The following B3GALT1 variants were observed in gnomAD, a reference collection of about 807,000 sequenced individuals.
The protein encoded by B3GALT1 is UDP-Gal:betaGlcNAc beta 1,3-galactosyltransferase, polypeptide 1.
In B3GALT1, 10 loss-of-function variants were observed where a neutral mutation model predicts 23.2. The observed-to-expected ratio is 0.43, with a 90% CI of 0.27 to 0.73. The LOEUF is 0.73. Among genes scored for constraint, B3GALT1 ranks in the 30% least tolerant of loss-of-function variants. The probability of loss-of-function intolerance (pLI) is 0.21; values close to 1 mark genes in which losing one functional copy is unlikely to be tolerated. For missense variants in B3GALT1, 299 were observed against 405.4 expected (o/e 0.74, Z 2.25); for synonymous variants, 156 against 141.5 (o/e 1.10, Z -0.73).
At chr2:167,572,883 A>G (rs1684320571) in intron 2 of B3GALT1, among the ~76,000 whole-genome samples, 1 of 151,758 alleles carries the variant, frequency 6.6e-6, no homozygotes, top group African/African-American at 2.4e-5. Context: ...TAGCGGGAAA[A>G]AAATATTGCT....
chr2:167,530,573 G>T (rs886681942), intron 2 of B3GALT1, among the ~76,000 whole-genome samples: 6 of 152,098 alleles, frequency 3.9e-5, no homozygotes, highest in African/African-American at 7.2e-5. Flanking sequence ...TTTGATGTTT[G>T]ATGTTAAAGT....
In B3GALT1 at chr2:167,440,140, A is replaced by G. The variant is rs548337071; in HGVS notation, c.-510-50037A>G. The stretch of plus-strand genomic sequence containing the variant: ...GGGCGGATCACGAGGTCAGGAGATC[A>G]AGACCATCCTGGCTAACATGGTGAA... On this transcript the variant is annotated intron_variant, in intron 1 of 4. Transcript: ENST00000392690. Among the ~76,000 whole-genome samples the G allele has an allele frequency of 1.9e-4, 29 of 151,944 alleles. No homozygotes were observed. The East Asian group carries it at 2.1e-3, about 11-fold the overall frequency.
intron 1 of B3GALT1, among the ~76,000 whole-genome samples, chr2:167,427,524 C>T (rs1698641959): frequency 1.3e-5 from 2 of 152,064 alleles, no homozygotes; most frequent in African/African-American, 2.4e-5. Context: ...ACTTTGGATA[C>T]TTTCATGTAG....
intron 2 of B3GALT1, among the ~76,000 whole-genome samples, chr2:167,619,428 C>T (rs1352709290): frequency 6.6e-6 from 1 of 151,994 alleles, no homozygotes; most frequent in East Asian, 1.9e-4. Context: ...TGCATGGGGA[C>T]AGGGACTAGG....
intron 3 of B3GALT1, among the ~76,000 whole-genome samples, chr2:167,679,787 T>C (rs1348752757): frequency 6.6e-6 from 1 of 152,260 alleles, no homozygotes; most frequent in Non-Finnish European, 1.5e-5. Flanking sequence ...TCAAAACACT[T>C]AACTCAATGC....
chr2:167,817,185 A>G (rs1054840657), intron 3 of B3GALT1, among the ~76,000 whole-genome samples: 1 of 152,216 alleles, frequency 6.6e-6, no homozygotes, highest in African/African-American at 2.4e-5. Context: ...CACTAATCCC[A>G]GGATGACATT....
chr2:167,731,869 C>T (rs918595828), intron 3 of B3GALT1, among the ~76,000 whole-genome samples: 3 of 152,292 alleles, frequency 2.0e-5, no homozygotes, highest in African/African-American at 7.2e-5. Flanking sequence ...CCAGACCCCT[C>T]TTTCCCCAAC....
At chr2:167,866,602 G>C (rs1438715849) in intron 4 of B3GALT1, among the ~76,000 whole-genome samples, 1 of 152,152 alleles carries the variant, frequency 6.6e-6, no homozygotes, top group Non-Finnish European at 1.5e-5. Flanking sequence ...GTAGACATGA[G>C]GAAGGAACAA....
At chr2:167,794,405 C>T (rs1222280736) in intron 3 of B3GALT1, among the ~76,000 whole-genome samples, 1 of 152,164 alleles carries the variant, frequency 6.6e-6, no homozygotes, top group Non-Finnish European at 1.5e-5. Context: ...TGTTGATTTA[C>T]TGTTGCATAA....
intron 1 of B3GALT1, among the ~76,000 whole-genome samples, chr2:167,294,271 G>C (rs1179410308): frequency 6.6e-6 from 1 of 152,232 alleles, no homozygotes; most frequent in Non-Finnish European, 1.5e-5. Flanking sequence ...TCCGCTTTCC[G>C]ACAAAGTTCA....
chr2:167,843,961 T>C (rs1689704191), intron 4 of B3GALT1, among the ~76,000 whole-genome samples: 1 of 152,202 alleles, frequency 6.6e-6, no homozygotes, highest in Admixed American at 6.5e-5. Context: ...AACAATGTCA[T>C]CTGTCCCTAT....
At chr2:167,399,060 C>G (rs2105287775) in intron 1 of B3GALT1, among the ~76,000 whole-genome samples, 1 of 152,292 alleles carries the variant, frequency 6.6e-6, no homozygotes, top group East Asian at 1.9e-4. Flanking sequence ...GTCTGTCTGG[C>G]AGAAACATTT....
chr2:167,439,122 A>T (rs1047993672), intron 1 of B3GALT1, among the ~76,000 whole-genome samples: 3 of 152,184 alleles, frequency 2.0e-5, no homozygotes, highest in Non-Finnish European at 2.9e-5. Context: ...TTTGTTTGTT[A>T]TTCAAATCTT....
At chr2:167,640,642 T>G (rs1685636487) in intron 2 of B3GALT1, among the ~76,000 whole-genome samples, 1 of 152,124 alleles carries the variant, frequency 6.6e-6, no homozygotes, top group Non-Finnish European at 1.5e-5. Context: ...TCCCATAGCC[T>G]TGTTTATTTT....
intron 1 of B3GALT1, among the ~76,000 whole-genome samples, chr2:167,428,821 T>TA (rs1019230788): frequency 2.0e-5 from 3 of 152,130 alleles, no homozygotes; most frequent in African/African-American, 7.2e-5. Context: ...GCTGAGAGTA[T>TA]AATACTAAAG....
intron 3 of B3GALT1, among the ~76,000 whole-genome samples, chr2:167,657,600 C>T (rs866549374): frequency 2.6e-5 from 4 of 152,156 alleles, no homozygotes; most frequent in Middle Eastern, 3.4e-3. Flanking sequence ...TTGGGACAAA[C>T]ATCTAATTAT....
intron 3 of B3GALT1, among the ~76,000 whole-genome samples, chr2:167,706,482 A>G (rs1184963664): frequency 6.6e-6 from 1 of 152,210 alleles, no homozygotes; most frequent in Admixed American, 6.5e-5. Context: ...TCAGAGGAAA[A>G]CCAAAAGCAG....
chr2:167,318,801 A>G (rs1334453740), intron 1 of B3GALT1, among the ~76,000 whole-genome samples: 1 of 152,044 alleles, frequency 6.6e-6, no homozygotes, highest in Non-Finnish European at 1.5e-5. Context: ...GCTGTGGCCT[A>G]TAGACTCCTG....
chr2:167,662,510 G>A (rs552076087), intron 3 of B3GALT1, among the ~76,000 whole-genome samples: 34 of 152,182 alleles, frequency 2.2e-4, no homozygotes, highest in African/African-American at 7.7e-4. Flanking sequence ...TGCCCAGTTG[G>A]CACCAGTATG....
Sources: allele counts gnomAD v4.1 joint callset (sites outside exome capture counted in the v4.1 genomes callset), GRCh38; gene constraint gnomAD v4.1.1; transcripts MANE v1.5; gene names NCBI Gene and HGNC (gene_info 2026-07-23, HGNC 2026-07-21).